Variants in VEGFA observed in about 807,000 individuals in gnomAD.
VEGFA encodes the protein vascular endothelial growth factor A, also known as vascular endothelial growth factor A, long form.
In VEGFA, 20 loss-of-function variants were observed where a neutral mutation model predicts 49.7. The ratio of observed to expected loss-of-function variants is 0.40; its 90% CI spans 0.28 to 0.58. The LOEUF is 0.58. Ranked by LOEUF, VEGFA falls within the 20% of genes least tolerant of loss-of-function variation. The pLI, the probability that VEGFA is intolerant of heterozygous loss-of-function variation, is 0.40. For synonymous variants in VEGFA, 219 were observed against 223.4 expected (o/e 0.98, Z 0.18); for missense variants, 505 against 553.5 (o/e 0.91, Z 0.88).
rs557621674 is a variant in VEGFA at position 43,779,892 on chromosome 6, C to G, written c.963-840C>G. 4 of 332,146 alleles carry G rather than the reference C, an allele frequency of 1.2e-5. No individual in the cohort carries two copies. In the East Asian group the frequency reaches 3.1e-4, roughly 26 times the overall value. The allele number at this position is 332,146 out of a possible 1,614,324, so 20.6% of individuals were successfully genotyped here. A position where few individuals can be genotyped will look rare whatever the true frequency, so the allele number is the denominator to read the frequency against. ...CTTGAAGGGGACAGGCTACAGCCTGCCCCCCTTCCTGTTTCCCCAAATGAC... is the reference window on the plus strand; with the variant it reads ...CTTGAAGGGGACAGGCTACAGCCTGGCCCCCTTCCTGTTTCCCCAAATGAC... On this transcript the variant is annotated intron_variant, in intron 5 of 7. Coordinates refer to ENST00000672860, the MANE Select transcript of VEGFA (RefSeq NM_003376.6).
At position 43,782,161 on chromosome 6, in the gene VEGFA, T is replaced by TGAGCGAGC. The variant is rs1330383204; in HGVS notation, c.1166+84_1166+91dup. On this transcript the variant is annotated intron_variant, in intron 7 of 7. Transcript: ENST00000672860. ...TGGGGAGAGAGAGAGAGAAAGAGAG[T>TGAGCGAGC]GAGCGAGCGAGCGAGCGGGAGAGCG... The TGAGCGAGC allele has an allele frequency of 3.1e-6, 5 of 1,587,542 alleles. No homozygotes were observed. The African/African-American group carries it at 6.8e-5, about 22-fold the overall frequency.
At chr6:43,780,932 G>T in intron 6 of VEGFA, 129 bp downstream of exon 6, 1 of 1,606,478 alleles carries the variant, frequency 6.2e-7, no homozygotes, top group Non-Finnish European at 8.5e-7. Context: ...CTCCTGGCCC[G>T]TGTCTCTCTC....
At chr6:43,772,305 A>G (rs974473484) in intron 1 of VEGFA, among the ~76,000 whole-genome samples, 1 of 152,198 alleles carries the variant, frequency 6.6e-6, no homozygotes, top group Non-Finnish European at 1.5e-5. Flanking sequence ...TTCTGGCCCC[A>G]GAGTCCAGGG....
intron 1 of VEGFA, 38 bp downstream of exon 1, chr6:43,771,350 C>A: frequency 6.3e-7 from 1 of 1,583,470 alleles, no homozygotes; most frequent in South Asian, 1.1e-5. Flanking sequence ...CGGGCCGCTG[C>A]GAGCGCCTCT....
intron 5 of VEGFA, chr6:43,779,543 C>T (rs547108204): frequency 5.6e-4 from 214 of 380,100 alleles, no homozygotes; most frequent in Non-Finnish European, 8.8e-4. Context: ...ACAGGGTGGG[C>T]GGCTGGCATC....
At position 43,770,790 on chromosome 6, in the gene VEGFA, G is replaced by A; in HGVS notation, c.84G>A (p.Ala28=). 2 of 1,483,848 alleles carry A rather than the reference G, an allele frequency of 1.3e-6. No homozygotes were observed. Among genetic ancestry groups the A allele is most frequent in the Non-Finnish European group, 1.8e-6 (2 of 1,121,776 alleles). 91.9% of individuals were successfully genotyped at this position (1,483,848 alleles called of 1,614,324 possible). Residue 28 remains alanine, a synonymous_variant, in exon 1 of 8, where the codon GCG becomes GCA. Transcript: ENST00000672860. ...GGCGGCGGACAGTGGACGCGGCGGC[G>A]AGCCGCGGGCAGGGGCCGGAGCCCG...
At chr6:43,778,108 G>A in intron 3 of VEGFA, 1 of 470,182 alleles carries the variant, frequency 2.1e-6, no homozygotes, top group Non-Finnish European at 3.9e-6. Flanking sequence ...CACAGGGAGG[G>A]GGTTGCTTTC....
chr6:43,785,119 C>G lies in VEGFA; in HGVS notation c.*557C>G, dbSNP rs1401171836. On this transcript the variant is annotated 3_prime_UTR_variant, in exon 8 of 8. Coordinates refer to ENST00000672860, the MANE Select transcript of VEGFA (RefSeq NM_003376.6). Reference sequence around the variant, plus strand: ...AGGGAAGAGGAGGAGATGAGAGACTCTGGCATGATCTTTTTTTTGTCCCAC... The same window carrying G: ...AGGGAAGAGGAGGAGATGAGAGACTGTGGCATGATCTTTTTTTTGTCCCAC... 5.2e-6 allele frequency: 1 copy of G among 192,306 alleles called. No individual in the cohort carries two copies. Among genetic ancestry groups the G allele is most frequent in the Admixed American group, 6.1e-5 (1 of 16,308 alleles). 11.9% of individuals were successfully genotyped at this position (192,306 alleles called of 1,614,324 possible).
rs540750016 is a variant in VEGFA, at chr6:43,785,744, G to A, written c.*1182G>A. On this transcript the variant is annotated 3_prime_UTR_variant, in exon 8 of 8. Coordinates refer to ENST00000672860, the MANE Select transcript of VEGFA (RefSeq NM_003376.6). ...CACAGAGAGACAGGGCAGGATCCACGTGCCCATTGTGGAGGCAGAGAAAAG... is the reference window on the plus strand; with the variant it reads ...CACAGAGAGACAGGGCAGGATCCACATGCCCATTGTGGAGGCAGAGAAAAG... The A allele has an allele frequency of 4.2e-5, 8 of 191,888 alleles. No individual in the cohort carries two copies. Among genetic ancestry groups the A allele is most frequent in the Admixed American group, 1.2e-4 (2 of 16,264 alleles). The allele number at this position is 191,888 out of a possible 1,614,324, so 11.9% of individuals were successfully genotyped here.
intron 7 of VEGFA, 86 bp downstream of exon 7, chr6:43,782,173 C>A: frequency 1.3e-6 from 2 of 1,568,550 alleles, no homozygotes; most frequent in South Asian, 2.3e-5. Context: ...AGCGAGCGAG[C>A]GAGCGGGAGA....
chr6:43,780,372 T>C (rs1380860424), intron 5 of VEGFA: 1 of 374,800 alleles, frequency 2.7e-6, no homozygotes, highest in African/African-American at 2.1e-5. Context: ...GCAAAGAGCC[T>C]TCCCTCAGGC....
rs1333424932 is a variant in VEGFA, at chr6:43,771,066, G to C, written c.360G>C (p.Thr120=). ...GCGCTCGGAAGCCGGGCTCATGGACGGGTGAGGCGGCGGTGTGCGCAGACA... is the reference window on the plus strand; with the variant it reads ...GCGCTCGGAAGCCGGGCTCATGGACCGGTGAGGCGGCGGTGTGCGCAGACA... Residue 120 remains threonine (T), a synonymous_variant, in exon 1 of 8, where the codon ACG becomes ACC. Coordinates refer to ENST00000672860, the MANE Select transcript of VEGFA (RefSeq NM_003376.6). 1.3e-6 allele frequency: 2 copies of C among 1,507,810 alleles called. No individual in the cohort carries two copies. Among genetic ancestry groups the C allele is most frequent in the South Asian group, 1.3e-5 (1 of 77,858 alleles). 93.4% of individuals were successfully genotyped at this position (1,507,810 alleles called of 1,614,324 possible). A position where few individuals can be genotyped will look rare whatever the true frequency, so the allele number is the denominator to read the frequency against.
At chr6:43,774,041 G>T in intron 1 of VEGFA, 1 of 513,472 alleles carries the variant, frequency 1.9e-6, no homozygotes, top group East Asian at 3.5e-5. Context: ...TGTGGGGAAG[G>T]TACAGGGGAC....
intron 5 of VEGFA, 167 bp from the exon 6 acceptor site, chr6:43,780,565 G>T (rs1180854967): frequency 4.5e-6 from 4 of 884,072 alleles, no homozygotes; most frequent in Non-Finnish European, 7.0e-6. Flanking sequence ...GCCTGTGTGC[G>T]CCCGCGCATG....
Position 43,778,637 on chromosome 6 carries a change from C to A in VEGFA, c.932+101C>A, listed in dbSNP as rs1343448729. 7 of 1,283,028 alleles carry A rather than the reference C, an allele frequency of 5.5e-6. No individual in the cohort carries two copies. The African/African-American group carries it at 1.0e-4, about 19-fold the overall frequency. The allele number at this position is 1,283,028 out of a possible 1,614,324, so 79.5% of individuals were successfully genotyped here. A position where few individuals can be genotyped will look rare whatever the true frequency, so the allele number is the denominator to read the frequency against. ...GTACTTTTTGGCCCCCGTCCAGCTT[C>A]CCGCTATGTGACCTTTGGCATTTTA... On this transcript the variant is annotated intron_variant, in intron 4 of 7. Transcript: ENST00000672860.
chr6:43,784,116 C>T (rs558143437), intron 7 of VEGFA: 2 of 287,134 alleles, frequency 7.0e-6, no homozygotes, highest in South Asian at 3.7e-5. Context: ...ACACCAGCCC[C>T]TAGAGACTGA....
Position 43,774,366 on chromosome 6 carries a change from A to G in VEGFA, c.632A>G (p.Glu211Gly), listed in dbSNP as rs770279324. The G allele has an allele frequency of 9.3e-6, 15 of 1,614,070 alleles. No homozygotes were observed. The Admixed American group carries it at 1.0e-4, about 11-fold the overall frequency. The stretch of plus-strand genomic sequence containing the variant: ...TGGTCCCAGGCTGCACCCATGGCAG[A>G]AGGAGGAGGGCAGAATCATCACGAA... The change falls in exon 2 of 8, where the codon GAA (glutamate) becomes GGA (glycine). Residue 211 changes from glutamate (E) to glycine (G), a missense_variant. Glu to Gly is a moderately conservative substitution (Grantham distance 98). This residue lies in a region of VEGFA where 340 missense variants were observed against 321.8 expected (regional missense o/e 1.06). Coordinates refer to ENST00000672860, the MANE Select transcript of VEGFA (RefSeq NM_003376.6).
In VEGFA at chr6:43,784,551, C is replaced by G. The variant is rs1272402969; in HGVS notation, c.1177C>G (p.Pro393Ala). The change falls in exon 8 of 8, where the codon CCG becomes GCG. Residue 393 changes from proline to alanine, a missense_variant. Pro to Ala is a conservative substitution (Grantham distance 27). Transcript: ENST00000672860. ...TTCCATTTCCCTCAGATGTGACAAG[C>G]CGAGGCGGTGAGCCGGGCAGGAGGA... 6.2e-7 allele frequency: 1 copy of G among 1,614,102 alleles called. No individual in the cohort carries two copies. Among genetic ancestry groups the G allele is most frequent in the East Asian group, 2.2e-5 (1 of 44,896 alleles).
chr6:43,785,022 G>T lies in VEGFA; in HGVS notation c.*460G>T. The stretch of plus-strand genomic sequence containing the variant: ...TAAATTAACAGTGCTAATGTTATTG[G>T]TGTCTTCACTGGATGTATTTGACTG... On this transcript the variant is annotated 3_prime_UTR_variant, in exon 8 of 8. Coordinates refer to ENST00000672860, the MANE Select transcript of VEGFA (RefSeq NM_003376.6). The T allele has an allele frequency of 5.4e-6, 1 of 185,898 alleles. No homozygotes were observed. Among genetic ancestry groups the T allele is most frequent in the Non-Finnish European group, 1.1e-5 (1 of 88,408 alleles). 11.5% of individuals were successfully genotyped at this position (185,898 alleles called of 1,614,324 possible).
Sources: allele counts gnomAD v4.1 joint callset (sites outside exome capture counted in the v4.1 genomes callset), GRCh38; gene constraint gnomAD v4.1.1; regional missense constraint gnomAD v4.1.1; transcripts MANE v1.5; gene names NCBI Gene and HGNC (gene_info 2026-07-23, HGNC 2026-07-21).